IDS: variants seen among roughly 807,000 people sequenced by gnomAD.
IDS encodes the protein iduronate 2-sulfatase, also known as alpha-L-iduronate sulfate sulfatase.
Under a neutral mutation model 33.5 loss-of-function variants are expected in IDS, and 1 was observed. The ratio of observed to expected loss-of-function variants is 0.03; its 90% confidence interval spans 0.01 to 0.14. The LOEUF (loss-of-function observed/expected upper bound fraction) is 0.14. IDS is among the 10% of genes least tolerant of loss of function. The pLI is 1.00. For missense variants in IDS, 328 were observed against 448.0 expected (o/e 0.73, Z 2.42); for synonymous variants, 191 against 184.4 (o/e 1.04, Z -0.29).
At chrX:149,485,822 T>C (rs782343637) in intron 8 of IDS, among the ~76,000 whole-genome samples, 5 of 111,714 alleles carry the variant, frequency 4.5e-5, no homozygotes, top group Non-Finnish European at 9.4e-5. Context: ...TTTCTATCAA[T>C]GACATGAAAG....
intron 4 of IDS, among the ~76,000 whole-genome samples, chrX:149,499,901 G>C (rs1490549810): frequency 9.0e-6 from 1 of 111,000 alleles, no homozygotes; most frequent in East Asian, 2.8e-4. Context: ...CATGCTGGCC[G>C]TGAGACCAAA....
intron 3 of IDS, chrX:149,501,955 AGCTAC>A (rs2089483742): frequency 1.8e-5 from 4 of 225,847 alleles, no homozygotes. Flanking sequence ...ACCTCTGGCA[AGCTAC>A]TTGACTCCCA....
chrX:149,484,100 C>T (rs2089314861), intron 8 of IDS, among the ~76,000 whole-genome samples: 1 of 112,579 alleles, frequency 8.9e-6, no homozygotes, highest in Non-Finnish European at 1.9e-5. Context: ...GTGAATAGTG[C>T]TGCTATGAAC....
At chrX:149,504,413 A>AG (rs2089506614) in intron 1 of IDS, 120 bp from the exon 2 acceptor site, 1 of 777,063 alleles carries the variant, frequency 1.3e-6, no homozygotes, top group Admixed American at 2.8e-5. Flanking sequence ...CAGCCTAGCC[A>AG]GGGAGGGCGC....
intron 7 of IDS, among the ~76,000 whole-genome samples, chrX:149,489,592 CTAAGTA>C (rs1167175712): frequency 9.0e-6 from 1 of 111,713 alleles, no homozygotes; most frequent in Non-Finnish European, 1.9e-5. Context: ...TTTCCTTTCT[CTAAGTA>C]TAACAGTATT....
Position 149,505,187 on chromosome X carries a change from G to A in IDS, c.-50C>T. On this transcript the variant is annotated 5_prime_UTR_variant, in exon 1 of 9. Coordinates refer to ENST00000340855, the MANE Select transcript of IDS (RefSeq NM_000202.8). ...GAGCGGCGGGGACAGGCTGCAGCAG[G>A]TGGCGCAGTTAGCAGCCGCCGCCGC... 4 of 973,099 alleles carry A rather than the reference G, an allele frequency of 4.1e-6. No homozygotes were observed. The highest frequency in any genetic ancestry group is 5.1e-5 in the Admixed American group (2 of 39,529). The allele number at this position is 973,099 out of a possible 1,213,427, so 80.2% of individuals were successfully genotyped here. A position where few individuals can be genotyped will look rare whatever the true frequency, so the allele number is the denominator to read the frequency against.
At position 149,478,399 on chromosome X, in the gene IDS, G is replaced by A. The variant is rs1164215431; in HGVS notation, c.*4347C>T. 6 of 111,612 alleles carry A rather than the reference G, an allele frequency of 5.4e-5. No individual in the cohort carries two copies. Among genetic ancestry groups the A allele is most frequent in the Non-Finnish European group, 1.1e-4 (6 of 53,107 alleles). The allele number at this position is 111,612 out of a possible 1,213,427, so 9.2% of individuals were successfully genotyped here. A position where few individuals can be genotyped will look rare whatever the true frequency, so the allele number is the denominator to read the frequency against. ...TGGATGAATGGATAAGCGGAACGTG[G>A]TACATACATTTCAGTCCAAAAAAAA... On this transcript the variant is annotated 3_prime_UTR_variant, in exon 9 of 9. Coordinates refer to ENST00000340855, the MANE Select transcript of IDS (RefSeq NM_000202.8).
intron 7 of IDS, among the ~76,000 whole-genome samples, chrX:149,487,584 A>G (rs1414705403): frequency 1.9e-4 from 21 of 112,331 alleles, no homozygotes; most frequent in South Asian, 1.1e-3. Context: ...TGGAACTGCA[A>G]CACACTCGGC....
chrX:149,488,803 A>G (rs1389361984), intron 7 of IDS, among the ~76,000 whole-genome samples: 2 of 111,806 alleles, frequency 1.8e-5, no homozygotes, highest in East Asian at 5.6e-4. Context: ...ATCCATCTCC[A>G]GATCAGGAGG....
chrX:149,484,596 T>A lies in IDS; in HGVS notation c.1181-1378A>T, dbSNP rs377566515. Among the ~76,000 whole-genome samples the A allele has an allele frequency of 1.3e-3, 148 of 113,033 alleles. 1 individual carries two copies. The highest frequency in any genetic ancestry group is 4.6e-3 in the Middle Eastern group (1 of 217). ...TGGCCTCCCAAAGTGCTGGGATTAC[T>A]GGCGTGAGCCACCACGCCCAGCCTT... On this transcript the variant is annotated intron_variant, in intron 8 of 8. Transcript: ENST00000340855.
At chrX:149,494,253 A>T (rs1194580492) in intron 6 of IDS, among the ~76,000 whole-genome samples, 3 of 112,019 alleles carry the variant, frequency 2.7e-5, no homozygotes, top group Non-Finnish European at 5.6e-5. Context: ...GCTGGGAAGT[A>T]CAGTAAGTCA....
At chrX:149,501,743 A>G (rs1386710212) in intron 3 of IDS, among the ~76,000 whole-genome samples, 1 of 111,056 alleles carries the variant, frequency 9.0e-6, no homozygotes, top group Non-Finnish European at 1.9e-5. Flanking sequence ...AGTGGAGGGG[A>G]TCACAGGCAG....
In IDS at chrX:149,477,800, T is replaced by C. The variant is rs1048219194; in HGVS notation, c.*4946A>G. The C allele has an allele frequency of 8.1e-5, 9 of 111,770 alleles. No individual in the cohort carries two copies. The highest frequency in any genetic ancestry group is 2.9e-4 in the African/African-American group (9 of 30,784). The allele number at this position is 111,770 out of a possible 1,213,427, so 9.2% of individuals were successfully genotyped here. A position where few individuals can be genotyped will look rare whatever the true frequency, so the allele number is the denominator to read the frequency against. On this transcript the variant is annotated 3_prime_UTR_variant, in exon 9 of 9. Transcript: ENST00000340855. ...GCTCTTGGCCATTATGGCCAAACGATTGGTGATGTGAAGGCAACAACTGAC... is the reference window on the plus strand; with the variant it reads ...GCTCTTGGCCATTATGGCCAAACGACTGGTGATGTGAAGGCAACAACTGAC...
rs781860560 is a variant in IDS, at chrX:149,500,355, G to A, written c.507+594C>T. On this transcript the variant is annotated intron_variant, in intron 4 of 8. Coordinates refer to ENST00000340855, the MANE Select transcript of IDS (RefSeq NM_000202.8). ...TCCAAATCCTCACCCTTCCCAACACGATGTTTACTAAAACCTCAGAGATAC... is the reference window on the plus strand; with the variant it reads ...TCCAAATCCTCACCCTTCCCAACACAATGTTTACTAAAACCTCAGAGATAC... Among the ~76,000 whole-genome samples, 11 of 111,991 alleles carry A rather than the reference G, an allele frequency of 9.8e-5. No individual in the cohort carries two copies. In the South Asian group the frequency reaches 1.8e-3, roughly 19 times the overall value.
intron 3 of IDS, chrX:149,502,259 T>C: frequency 6.8e-6 from 2 of 294,415 alleles, no homozygotes; most frequent in South Asian, 6.2e-5. Context: ...AGGGAGGAGG[T>C]CAAGCAACAT....
At chrX:149,486,364 G>A (rs191876585) in intron 8 of IDS, among the ~76,000 whole-genome samples, 16 of 111,703 alleles carry the variant, frequency 1.4e-4, no homozygotes, top group Non-Finnish European at 2.8e-4. Context: ...CATCAGTGCT[G>A]TTTTCAAAGC....
chrX:149,488,720 T>C (rs1208350311), intron 7 of IDS, among the ~76,000 whole-genome samples: 3 of 110,733 alleles, frequency 2.7e-5, no homozygotes, highest in Admixed American at 9.5e-5. Context: ...GGCCTCAGCC[T>C]GTGCTGCTGC....
At chrX:149,492,973 G>T (rs1321163983) in intron 6 of IDS, among the ~76,000 whole-genome samples, 1 of 111,132 alleles carries the variant, frequency 9.0e-6, no homozygotes, top group African/African-American at 3.3e-5. Flanking sequence ...TTTGGGGGCA[G>T]GGGGCGCAAG....
Position 149,482,941 on chromosome X carries a change from C to A in IDS, c.1458G>T (p.Lys486Asn). The A allele has an allele frequency of 8.3e-7, 1 of 1,211,605 alleles. No homozygotes were observed. The change falls in exon 9 of 9, where the codon AAG becomes AAT. Residue 486 changes from lysine (K) to asparagine (N), a missense_variant. This residue lies in a region of IDS where 265 missense variants were observed against 339.2 expected (regional missense o/e 0.78). Coordinates refer to ENST00000340855, the MANE Select transcript of IDS (RefSeq NM_000202.8). ...TGGTGCGTATGGAATAGCCCATGAT[C>A]TTTATATCTTTTAAACTCGGCTTGT... ...NSDKPSLKDI[K>N]IMGYSIRTID... is the part of the protein sequence containing the mutation.
Sources: gnomAD v4.1 joint callset for allele counts (sites outside exome capture counted in the v4.1 genomes callset) on GRCh38, gnomAD v4.1.1 for gene constraint, gnomAD v4.1.1 regional missense constraint, MANE v1.5 for transcripts, NCBI Gene and HGNC (gene_info 2026-07-23, HGNC 2026-07-21) for gene names.